DNAH8: variants seen among roughly 807,000 people sequenced by gnomAD.
The protein encoded by DNAH8 is dynein axonemal heavy chain 8.
Under a neutral mutation model 562.1 loss-of-function variants are expected in DNAH8, and 382 were observed. That is an observed-to-expected ratio of 0.68 (90% CI 0.63 to 0.74). DNAH8 has a LOEUF of 0.74. DNAH8 is among the 30% of genes least tolerant of loss of function. The pLI is 0.00. For missense variants in DNAH8, 5,203 were observed against 5,620.4 expected (o/e 0.93, Z 2.37); for synonymous variants, 1,881 against 1,919.4 (o/e 0.98, Z 0.52).
intron 3 of DNAH8, among the ~76,000 whole-genome samples, chr6:38,727,222 G>A (rs1763300406): frequency 6.6e-6 from 1 of 152,056 alleles, no homozygotes; most frequent in African/African-American, 2.4e-5. Flanking sequence ...CTCAGTAAAG[G>A]CACCACAAAA....
At chr6:38,742,914 C>T (rs2127587508) in intron 8 of DNAH8, among the ~76,000 whole-genome samples, 1 of 151,720 alleles carries the variant, frequency 6.6e-6, no homozygotes, top group East Asian at 1.9e-4. Context: ...TTTTCAACTT[C>T]CCTTCCCCAC....
At chr6:38,822,062 C>T (rs1772909050) in intron 26 of DNAH8, among the ~76,000 whole-genome samples, 1 of 152,126 alleles carries the variant, frequency 6.6e-6, no homozygotes, top group Non-Finnish European at 1.5e-5. Flanking sequence ...CGTCAAACAG[C>T]TAAAACTATA....
intron 11 of DNAH8, among the ~76,000 whole-genome samples, chr6:38,768,347 C>T (rs555950893): frequency 6.6e-6 from 1 of 152,244 alleles, no homozygotes; most frequent in South Asian, 2.1e-4. Context: ...AGTTCACTGC[C>T]TCCTTGACCT....
At chr6:38,780,231 T>C (rs1415062332) in intron 15 of DNAH8, among the ~76,000 whole-genome samples, 166 bp downstream of exon 15, 1 of 152,238 alleles carries the variant, frequency 6.6e-6, no homozygotes, top group African/African-American at 2.4e-5. Flanking sequence ...CAGTGTATAT[T>C]GCTGGACAGC....
At chr6:38,901,070 T>C (rs1261293567) in intron 62 of DNAH8, among the ~76,000 whole-genome samples, 3 of 152,282 alleles carry the variant, frequency 2.0e-5, no homozygotes, top group Non-Finnish European at 4.4e-5. Flanking sequence ...TTCAATTTGT[T>C]TGCGATTCTT....
At chr6:38,800,486 A>G (rs946823948) in intron 21 of DNAH8, among the ~76,000 whole-genome samples, 7 of 151,972 alleles carry the variant, frequency 4.6e-5, no homozygotes, top group Admixed American at 3.9e-4. Context: ...ATGTTTCCCT[A>G]TTAGCTAGTG....
chr6:38,907,121 C>G (rs1780538281), intron 63 of DNAH8, among the ~76,000 whole-genome samples: 1 of 152,180 alleles, frequency 6.6e-6, no homozygotes, highest in Admixed American at 6.5e-5. Context: ...ATTGTGGCAA[C>G]ACAGTAAGGA....
intron 45 of DNAH8, among the ~76,000 whole-genome samples, chr6:38,864,688 G>A (rs1776906501): frequency 6.6e-6 from 1 of 152,108 alleles, no homozygotes; most frequent in South Asian, 2.1e-4. Context: ...AACTTCAGGG[G>A]GTGGTGGGGT....
chr6:38,726,076 TTTC>T (rs1328136541), intron 3 of DNAH8, among the ~76,000 whole-genome samples: 1 of 152,178 alleles, frequency 6.6e-6, no homozygotes, highest in Non-Finnish European at 1.5e-5. Context: ...TAAAAAGTCA[TTTC>T]TTAGTAGGCC....
intron 91 of DNAH8, among the ~76,000 whole-genome samples, chr6:39,022,957 T>C (rs1196154277): frequency 6.6e-6 from 1 of 152,222 alleles, no homozygotes; most frequent in East Asian, 1.9e-4. Context: ...TTATGCTTTA[T>C]GGGTTTGAGG....
intron 86 of DNAH8, among the ~76,000 whole-genome samples, chr6:38,983,273 T>A (rs1764160752): frequency 6.6e-6 from 1 of 152,230 alleles, no homozygotes; most frequent in Non-Finnish European, 1.5e-5. Flanking sequence ...AATATGACTC[T>A]CTGCAGTCTG....
intron 1 of DNAH8, among the ~76,000 whole-genome samples, chr6:38,717,426 C>G (rs1052019358): frequency 8.5e-5 from 13 of 152,052 alleles, no homozygotes; most frequent in Non-Finnish European, 1.8e-4. Flanking sequence ...TGGGCTCAAG[C>G]TATCTTCCCT....
At chr6:38,837,878 A>C in intron 32 of DNAH8, 64 bp from the exon 33 acceptor site, 2 of 1,178,388 alleles carry the variant, frequency 1.7e-6, no homozygotes, top group South Asian at 2.7e-5. Context: ...CAATGAAAAT[A>C]AATTCCACTT....
chr6:38,832,567 A>G, intron 31 of DNAH8, 132 bp downstream of exon 31: 1 of 571,266 alleles, frequency 1.8e-6, no homozygotes. Flanking sequence ...AGCTATCAGA[A>G]AAAGGGGATA....
At position 38,775,939 on chromosome 6, in the gene DNAH8, C is replaced by T. The variant is rs372590465; in HGVS notation, c.1950C>T (p.Ile650=). 9 of 1,609,114 alleles carry T rather than the reference C, an allele frequency of 5.6e-6. No individual in the cohort carries two copies. Among genetic ancestry groups the T allele is most frequent in the Non-Finnish European group, 6.8e-6 (8 of 1,176,016 alleles). ...ATTTCTTAGATTTCATGACAAAAATCAATGGTTTAGAGGTAAGTAATTATA... is the reference window on the plus strand; with the variant it reads ...ATTTCTTAGATTTCATGACAAAAATTAATGGTTTAGAGGTAAGTAATTATA... The part of the protein sequence containing the change: ...DTDFLDFMTK[I]NGLEVQIQAF... The change falls in exon 13 of 93, where the codon ATC becomes ATT. Residue 650 remains isoleucine (I), a synonymous_variant. Coordinates refer to ENST00000327475, the MANE Select transcript of DNAH8 (RefSeq NM_001206927.2).
chr6:38,825,754 C>G (rs998619896), intron 28 of DNAH8, among the ~76,000 whole-genome samples: 1 of 152,250 alleles, frequency 6.6e-6, no homozygotes, highest in East Asian at 1.9e-4. Context: ...AGCAAGAAAC[C>G]TGTGAAGTCA....
At chr6:38,984,332 T>C (rs1764226964) in intron 87 of DNAH8, 25 bp downstream of exon 87, 1 of 1,471,706 alleles carries the variant, frequency 6.8e-7, no homozygotes, top group South Asian at 1.1e-5. Context: ...AAAAATAAAG[T>C]TTGGAGACAC....
chr6:38,929,179 G>A (rs568562832), intron 74 of DNAH8, among the ~76,000 whole-genome samples: 1 of 152,078 alleles, frequency 6.6e-6, no homozygotes, highest in South Asian at 2.1e-4. Flanking sequence ...TTCTCTGAGC[G>A]ATTATAGCTA....
intron 88 of DNAH8, among the ~76,000 whole-genome samples, chr6:39,000,786 G>A (rs1765433169): frequency 1.3e-5 from 2 of 152,118 alleles, no homozygotes; most frequent in East Asian, 3.8e-4. Flanking sequence ...AAACTTTTCC[G>A]CCGCCTCCCC....
Sources: allele counts gnomAD v4.1 joint callset (sites outside exome capture counted in the v4.1 genomes callset), GRCh38; gene constraint gnomAD v4.1.1; transcripts MANE v1.5; gene names NCBI Gene and HGNC (gene_info 2026-07-23, HGNC 2026-07-21).